The following VMP1 variants were observed in gnomAD, a reference collection of about 807,000 sequenced individuals.
VMP1 encodes the protein vacuole membrane protein 1.
In VMP1, 11 loss-of-function variants were observed where a neutral mutation model predicts 56.0. The observed-to-expected ratio is 0.20, with a 90% CI of 0.12 to 0.32. VMP1 has a LOEUF of 0.32. VMP1 is among the 10% of genes least tolerant of loss of function. VMP1 has a pLI of 1.00. For synonymous variants in VMP1, 149 were observed against 165.0 expected (o/e 0.90, Z 0.74); for missense variants, 296 against 490.3 (o/e 0.60, Z 3.74).
intron 7 of VMP1, among the ~76,000 whole-genome samples, chr17:59,801,272 A>T (rs1344917595): frequency 6.6e-6 from 1 of 151,476 alleles, no homozygotes; most frequent in Non-Finnish European, 1.5e-5. Context: ...GGGGGAGATC[A>T]TCTTGCTCTG....
At position 59,811,797 on chromosome 17, in the gene VMP1, C is replaced by T. The variant is rs770615673; in HGVS notation, c.912+11C>T. On this transcript the variant is annotated intron_variant, in intron 9 of 11. Transcript: ENST00000262291. ...AAAATGCATATCCAGGTAATTATAC[C>T]CCCTGATTCACTGCCTAATGATGAT... The T allele has an allele frequency of 4.6e-6, 7 of 1,528,366 alleles. No homozygotes were observed. The African/African-American group carries it at 8.2e-5, about 18-fold the overall frequency. The allele number at this position is 1,528,366 out of a possible 1,614,324, so 94.7% of individuals were successfully genotyped here. A position where few individuals can be genotyped will look rare whatever the true frequency, so the allele number is the denominator to read the frequency against.
At chr17:59,766,445 A>C (rs537718233) in intron 6 of VMP1, among the ~76,000 whole-genome samples, 1 of 152,284 alleles carries the variant, frequency 6.6e-6, no homozygotes, top group Non-Finnish European at 1.5e-5. Context: ...TAGGGGTTGC[A>C]GTGAACCGAG....
intron 2 of VMP1, among the ~76,000 whole-genome samples, chr17:59,732,078 GA>G (rs1028835016): frequency 2.6e-5 from 4 of 151,484 alleles, no homozygotes; most frequent in African/African-American, 9.7e-5. Context: ...AAAGGAAAAT[GA>G]AAAAAAAGTT....
chr17:59,772,076 T>C (rs989726901), intron 6 of VMP1, among the ~76,000 whole-genome samples: 1 of 151,568 alleles, frequency 6.6e-6, no homozygotes, highest in African/African-American at 2.4e-5. Context: ...CTGCAACCTC[T>C]ACCTCCCAGG....
At chr17:59,778,392 A>T (rs896991250) in intron 7 of VMP1, among the ~76,000 whole-genome samples, 7 of 151,986 alleles carry the variant, frequency 4.6e-5, no homozygotes, top group African/African-American at 7.3e-5. Context: ...TACAAAAAAA[A>T]ATTAGCTGGG....
At chr17:59,808,713 A>T in intron 7 of VMP1, 83 bp from the exon 8 acceptor site, 1 of 1,100,252 alleles carries the variant, frequency 9.1e-7, no homozygotes, top group Admixed American at 2.3e-5. Context: ...TCAGATTGGG[A>T]GATCTTTAAT....
At chr17:59,724,998 AC>A (rs2034548058) in intron 1 of VMP1, among the ~76,000 whole-genome samples, 1 of 147,366 alleles carries the variant, frequency 6.8e-6, no homozygotes, top group Non-Finnish European at 1.5e-5. Flanking sequence ...AACAAAAAAA[AC>A]AACAAAAATT....
intron 7 of VMP1, among the ~76,000 whole-genome samples, chr17:59,789,238 G>GAAA (rs78690577): frequency 9.1e-6 from 1 of 110,472 alleles, no homozygotes; most frequent in African/African-American, 3.5e-5. Context: ...TGCAGTGAGA[G>GAAA]AAAAAAAAAA....
At chr17:59,789,989 G>A (rs1377578118) in intron 7 of VMP1, among the ~76,000 whole-genome samples, 1 of 151,544 alleles carries the variant, frequency 6.6e-6, no homozygotes, top group African/African-American at 2.4e-5. Context: ...ACAAGCACAC[G>A]CCACCATGCC....
At chr17:59,838,899 A>G (rs2039068420) in intron 11 of VMP1, 1 of 152,602 alleles carries the variant, frequency 6.6e-6, no homozygotes, top group Non-Finnish European at 1.5e-5. Flanking sequence ...GGCAAAGGGA[A>G]ATGACTAGAA....
chr17:59,770,850 GATTTT>G (rs1033425147), intron 6 of VMP1, among the ~76,000 whole-genome samples: 4 of 152,008 alleles, frequency 2.6e-5, no homozygotes, highest in Non-Finnish European at 5.9e-5. Context: ...AAAGTGCTGG[GATTTT>G]ATTTCTTTTC....
chr17:59,737,042 A>G (rs1236378024), intron 3 of VMP1, among the ~76,000 whole-genome samples: 5 of 152,212 alleles, frequency 3.3e-5, no homozygotes, highest in African/African-American at 1.2e-4. Context: ...CTCAAAAAAA[A>G]ATAAAAATAA....
chr17:59,780,865 G>GGT (rs1408548567), intron 7 of VMP1, among the ~76,000 whole-genome samples: 1 of 152,140 alleles, frequency 6.6e-6, no homozygotes, highest in Admixed American at 6.6e-5. Context: ...TGGGATTACA[G>GGT]GTGTGAGCCC....
intron 7 of VMP1, among the ~76,000 whole-genome samples, chr17:59,804,637 A>AG (rs1357313595): frequency 6.7e-6 from 1 of 149,846 alleles, no homozygotes; most frequent in Admixed American, 6.7e-5. Flanking sequence ...AAAAAAAAAA[A>AG]GTGAAATAAA....
At chr17:59,711,966 A>C (rs2033949269) in intron 1 of VMP1, among the ~76,000 whole-genome samples, 1 of 152,076 alleles carries the variant, frequency 6.6e-6, no homozygotes, top group African/African-American at 2.4e-5. Context: ...ATAAAGCTAG[A>C]CTGCTTTTTT....
intron 8 of VMP1, among the ~76,000 whole-genome samples, chr17:59,810,047 T>G (rs1321833813): frequency 1.3e-5 from 2 of 152,216 alleles, no homozygotes; most frequent in Admixed American, 1.3e-4. Flanking sequence ...GAAGTCTTTT[T>G]CCAAAGTTTC....
chr17:59,747,229 AAT>A (rs1298167853), intron 5 of VMP1, among the ~76,000 whole-genome samples: 2 of 152,136 alleles, frequency 1.3e-5, no homozygotes, highest in Non-Finnish European at 2.9e-5. Flanking sequence ...AGCATTTCTT[AAT>A]AGTTTCTCGC....
intron 10 of VMP1, chr17:59,837,853 C>T (rs1334295107): frequency 6.6e-6 from 1 of 152,468 alleles, no homozygotes; most frequent in African/African-American, 2.4e-5. Flanking sequence ...AAGCATAAGT[C>T]ATTTCCTTAT....
intron 1 of VMP1, among the ~76,000 whole-genome samples, chr17:59,717,862 G>T (rs969360200): frequency 2.6e-5 from 4 of 152,012 alleles, no homozygotes; most frequent in Non-Finnish European, 5.9e-5. Flanking sequence ...GGAGTTTGCA[G>T]TAAGCCGAGA....
Sources: gnomAD v4.1 joint callset for allele counts (sites outside exome capture counted in the v4.1 genomes callset) on GRCh38, gnomAD v4.1.1 for gene constraint, MANE v1.5 for transcripts, NCBI Gene and HGNC (gene_info 2026-07-23, HGNC 2026-07-21) for gene names.